The following IGSF5 variants were observed in gnomAD, a reference collection of about 807,000 sequenced individuals.
The protein encoded by IGSF5 is immunoglobulin superfamily 5 like.
In IGSF5, 41 loss-of-function variants were observed where a neutral mutation model predicts 39.4. The ratio of observed to expected loss-of-function variants is 1.04; its 90% CI spans 0.81 to 1.35. IGSF5 has a LOEUF of 1.35. Ranked by LOEUF, IGSF5 falls within the 40% of genes most tolerant of loss-of-function variation. The pLI is 0.00. For synonymous variants in IGSF5, 183 were observed against 175.3 expected, an observed-to-expected ratio of 1.04 and a Z score of -0.34; for missense variants, 487 against 494.6, an observed-to-expected ratio of 0.98 and a Z score of 0.15.
chr21:39,787,998 G>A (rs1256952826), intron 5 of IGSF5, among the ~76,000 whole-genome samples, 169 bp from the exon 6 acceptor site: 1 of 152,106 alleles, frequency 6.6e-6, no homozygotes, highest in Non-Finnish European at 1.5e-5. Flanking sequence ...ACTTTCCTAT[G>A]CTGGGAAGTC....
the IGSF5 span, chr21:39,730,035 A>G: frequency 6.6e-6 from 1 of 152,140 alleles, no homozygotes; most frequent in Non-Finnish European, 1.5e-5. Flanking sequence ...GCTTAGAACA[A>G]TGGAAAGGCA....
chr21:39,796,810 C>G (rs2086998571), intron 8 of IGSF5, among the ~76,000 whole-genome samples: 1 of 152,246 alleles, frequency 6.6e-6, no homozygotes, highest in African/African-American at 2.4e-5. Context: ...GAAGCAAACA[C>G]TTTTCCGATC....
chr21:39,712,109 T>C, the IGSF5 span, among the ~76,000 whole-genome samples: 11,094 of 152,160 alleles, frequency 0.073, 784 homozygotes, highest in East Asian at 0.22. Flanking sequence ...TGGTAGACCT[T>C]CTGGGGACAC....
At chr21:39,789,703 A>G (rs189255806) in intron 6 of IGSF5, among the ~76,000 whole-genome samples, 35 of 152,360 alleles carry the variant, frequency 2.3e-4, no homozygotes, top group African/African-American at 8.2e-4. Flanking sequence ...AGTTTAAAAA[A>G]ATCACCCACA....
chr21:39,792,083 T>A lies in IGSF5; in HGVS notation c.1032T>A (p.Asp344Glu). ...ATGAAAACTCCGGCTACAATTCAGA[T>A]GAACAAAAGACCACAGGTGAGTAGA... ...SGNENSGYNS[D>E]EQKTTDTASL... The change falls in exon 7 of 9, where the codon GAT becomes GAA. Residue 344 changes from aspartate (D) to glutamate (E), a missense_variant. Physicochemically the swap from Asp to Glu is conservative, Grantham distance 45. Coordinates refer to ENST00000380588, the MANE Select transcript of IGSF5 (RefSeq NM_001080444.2). The A allele has an allele frequency of 6.2e-7, 1 of 1,609,220 alleles. No homozygotes were observed. Among genetic ancestry groups the A allele is most frequent in the East Asian group, 2.2e-5 (1 of 44,828 alleles).
intron 2 of IGSF5, among the ~76,000 whole-genome samples, chr21:39,761,412 A>G (rs2080061018): frequency 6.6e-6 from 1 of 152,234 alleles, no homozygotes; most frequent in South Asian, 2.1e-4. Flanking sequence ...GTGGTATCCA[A>G]TTAAGCTAAA....
intron 5 of IGSF5, among the ~76,000 whole-genome samples, chr21:39,787,582 G>T (rs1323031626): frequency 6.7e-6 from 1 of 148,750 alleles, no homozygotes; most frequent in Admixed American, 6.7e-5. Context: ...GGTGGGGTGG[G>T]GGCACAACTG....
At chr21:39,793,656 T>A (rs1275933149) in intron 8 of IGSF5, 43 bp downstream of exon 8, 1 of 1,515,488 alleles carries the variant, frequency 6.6e-7, no homozygotes, top group Non-Finnish European at 9.1e-7. Context: ...TTTTTGGCTA[T>A]TTAAAAATTC....
At chr21:39,771,260 A>T (rs1401731126) in intron 4 of IGSF5, 45 bp downstream of exon 4, 1 of 1,462,808 alleles carries the variant, frequency 6.8e-7, no homozygotes, top group African/African-American at 1.4e-5. Flanking sequence ...TGATTATTTC[A>T]TGCTTCAATA....
At position 39,779,098 on chromosome 21, in the gene IGSF5, G is replaced by T. The variant is rs2080155835; in HGVS notation, c.727G>T (p.Gly243Cys). The change falls in exon 5 of 9, where the codon GGT becomes TGT. Residue 243 changes from glycine to cysteine, a missense_variant. Physicochemically the swap from Gly to Cys is radical, Grantham distance 159. Transcript: ENST00000380588. ...TVIRCPQDTG[G>C]GINIPGVLSS... ...ATTTTTTTCTTCTTTAGACACTGGA[G>T]GTGGTATTAATATTCCAGGTGTATT... 1.9e-6 allele frequency: 3 copies of T among 1,611,794 alleles called. No individual in the cohort carries two copies. Among genetic ancestry groups the T allele is most frequent in the Admixed American group, 3.3e-5 (2 of 60,000 alleles).
intron 4 of IGSF5, 118 bp from the exon 5 acceptor site, chr21:39,778,972 C>A: frequency 8.1e-7 from 1 of 1,235,014 alleles, no homozygotes; most frequent in Non-Finnish European, 1.1e-6. Flanking sequence ...TGACGCCTAG[C>A]CATAGCAGGC....
chr21:39,719,974 C>T, the IGSF5 span, among the ~76,000 whole-genome samples: 952 of 152,284 alleles, frequency 6.3e-3, 7 homozygotes, highest in African/African-American at 0.02. Flanking sequence ...CTTTTTTTGT[C>T]TTAGACTTTT....
At chr21:39,724,243 G>A in the IGSF5 span, among the ~76,000 whole-genome samples, 26 of 152,070 alleles carry the variant, frequency 1.7e-4, no homozygotes, top group African/African-American at 6.0e-4. Flanking sequence ...TTTATTTGGT[G>A]CAACAATGTA....
intron 5 of IGSF5, among the ~76,000 whole-genome samples, chr21:39,783,913 A>G (rs2080184121): frequency 6.6e-6 from 1 of 152,066 alleles, no homozygotes; most frequent in African/African-American, 2.4e-5. Context: ...TTTATTTTGT[A>G]TATGGTAAGA....
intron 2 of IGSF5, among the ~76,000 whole-genome samples, chr21:39,749,036 G>A (rs1359514041): frequency 1.4e-5 from 2 of 146,406 alleles, no homozygotes; most frequent in Admixed American, 1.3e-4. Context: ...ACAAATTAAC[G>A]GGAGAAAAAA....
At chr21:39,737,269 G>A in the IGSF5 span, among the ~76,000 whole-genome samples, 1 of 151,964 alleles carries the variant, frequency 6.6e-6, no homozygotes, top group Non-Finnish European at 1.5e-5. Flanking sequence ...CTTCTGGGTG[G>A]GGTTGGGGTT....
the IGSF5 span, among the ~76,000 whole-genome samples, chr21:39,737,210 A>G: frequency 6.6e-6 from 1 of 151,156 alleles, no homozygotes; most frequent in Admixed American, 6.6e-5. Flanking sequence ...TCACCACTCA[A>G]TGTGCTTTTT....
intron 5 of IGSF5, among the ~76,000 whole-genome samples, chr21:39,782,545 C>T (rs561531158): frequency 2.3e-4 from 35 of 152,232 alleles, no homozygotes; most frequent in Admixed American, 1.5e-3. Flanking sequence ...CTGGCAACCA[C>T]GATTCTACTT....
intron 4 of IGSF5, among the ~76,000 whole-genome samples, chr21:39,772,691 C>T (rs1261957988): frequency 2.0e-5 from 3 of 152,130 alleles, no homozygotes; most frequent in Non-Finnish European, 2.9e-5. Context: ...CAAGATGCCT[C>T]TCAATTTGGG....
Sources: gnomAD v4.1 joint callset for allele counts (sites outside exome capture counted in the v4.1 genomes callset) on GRCh38, gnomAD v4.1.1 for gene constraint, MANE v1.5 for transcripts, NCBI Gene and HGNC (gene_info 2026-07-23, HGNC 2026-07-21) for gene names.